LEPR: variants seen among roughly 807,000 people sequenced by gnomAD.
LEPR encodes the protein leptin receptor.
In LEPR, 56 loss-of-function variants were observed where a neutral mutation model predicts 114.7. The observed-to-expected ratio is 0.49, with a 90% CI of 0.39 to 0.61. The LOEUF is 0.61. LEPR is among the 20% of genes least tolerant of loss of function. The pLI is 0.00. For synonymous variants in LEPR, 443 were observed against 461.4 expected, an observed-to-expected ratio of 0.96 and a Z score of 0.51; for missense variants, 1,202 against 1,352.9, an observed-to-expected ratio of 0.89 and a Z score of 1.75.
At chr1:65,514,966 G>A (rs985306490) in intron 2 of LEPR, among the ~76,000 whole-genome samples, 1 of 152,206 alleles carries the variant, frequency 6.6e-6, no homozygotes, top group African/African-American at 2.4e-5. Flanking sequence ...ATCAGATAAT[G>A]TTTCATGATA....
chr1:65,537,097 C>G (rs1403607147), intron 2 of LEPR, among the ~76,000 whole-genome samples: 1 of 152,082 alleles, frequency 6.6e-6, no homozygotes, highest in Non-Finnish European at 1.5e-5. Context: ...ATGCTGATGC[C>G]AGAGGTGTTA....
chr1:65,525,139 T>A (rs1189787012), intron 2 of LEPR, among the ~76,000 whole-genome samples: 1 of 152,202 alleles, frequency 6.6e-6, no homozygotes, highest in Non-Finnish European at 1.5e-5. Context: ...GGCGGAAGCA[T>A]CCCTGGTATC....
At chr1:65,626,887 A>G (rs11208691) in intron 19 of LEPR, among the ~76,000 whole-genome samples, 66,263 of 151,788 alleles carry the variant, frequency 0.44, 15,176 homozygotes, top group East Asian at 0.87. Flanking sequence ...CACCCACCTC[A>G]GCCTCCCAAA....
chr1:65,459,893 G>A (rs927439403), intron 2 of LEPR, among the ~76,000 whole-genome samples: 2 of 152,044 alleles, frequency 1.3e-5, no homozygotes, highest in Non-Finnish European at 2.9e-5. Context: ...TCCATGCTTG[G>A]AACAAGTTTC....
intron 2 of LEPR, among the ~76,000 whole-genome samples, chr1:65,505,581 T>A (rs1648683106): frequency 6.6e-6 from 1 of 152,074 alleles, no homozygotes; most frequent in African/African-American, 2.4e-5. Context: ...TTAACCCAAG[T>A]CTTTCCCTTC....
chr1:65,565,843 TCTCA>T lies in LEPR; in HGVS notation c.40+240_40+243del, dbSNP rs1440292866. Among the ~76,000 whole-genome samples, 968 of 150,510 alleles carry T rather than the reference TCTCA, an allele frequency of 6.4e-3. 12 individuals carry two copies. Among genetic ancestry groups the T allele is most frequent in the Middle Eastern group, 0.028 (8 of 290 alleles). On this transcript the variant is annotated intron_variant, in intron 3 of 19. Transcript: ENST00000349533. ...GTATCCTTCCAGAATCCTCTCTCTC[TCTCA>T]CACACACACACACACAGACTCACAC...
intron 6 of LEPR, among the ~76,000 whole-genome samples, chr1:65,594,984 A>G (rs1277664124): frequency 6.6e-6 from 1 of 152,104 alleles, no homozygotes; most frequent in Non-Finnish European, 1.5e-5. Flanking sequence ...TGTATGACAG[A>G]TACCAACTCT....
intron 19 of LEPR, among the ~76,000 whole-genome samples, chr1:65,635,598 C>A (rs922624433): frequency 1.3e-5 from 2 of 152,090 alleles, no homozygotes; most frequent in African/African-American, 4.8e-5. Context: ...AGCAGATTCT[C>A]AGTATACAGC....
chr1:65,546,709 C>T (rs1252614123), intron 2 of LEPR, among the ~76,000 whole-genome samples: 11 of 152,146 alleles, frequency 7.2e-5, no homozygotes, highest in Non-Finnish European at 1.3e-4. Flanking sequence ...AGATTTTGGG[C>T]TGAGACAATG....
At chr1:65,523,470 C>A (rs901259554) in intron 2 of LEPR, among the ~76,000 whole-genome samples, 1 of 151,824 alleles carries the variant, frequency 6.6e-6, no homozygotes. Flanking sequence ...ACCACCACAC[C>A]CAGCTAATTT....
At chr1:65,615,242 C>T (rs1161744022) in intron 14 of LEPR, among the ~76,000 whole-genome samples, 1 of 152,104 alleles carries the variant, frequency 6.6e-6, no homozygotes, top group Non-Finnish European at 1.5e-5. Context: ...ACAGTCCAGC[C>T]TTCTCTGTCT....
intron 19 of LEPR, chr1:65,629,267 AC>A (rs1402248944): frequency 2.4e-5 from 9 of 376,796 alleles, no homozygotes; most frequent in Non-Finnish European, 4.6e-5. Context: ...TAGCACTCTT[AC>A]GCTTCCCTCC....
chr1:65,605,252 G>A lies in LEPR; in HGVS notation c.1603+15G>A, dbSNP rs769140019. Reference sequence around the variant, plus strand: ...TGATTCTGTGGGTATGTCAAGCTGCGTTGTGTCTTCATTTGTGTTAGCAGA... The same window carrying A: ...TGATTCTGTGGGTATGTCAAGCTGCATTGTGTCTTCATTTGTGTTAGCAGA... On this transcript the variant is annotated intron_variant, in intron 11 of 19. Coordinates refer to ENST00000349533, the MANE Select transcript of LEPR (RefSeq NM_002303.6). 17 of 1,613,502 alleles carry A rather than the reference G, an allele frequency of 1.1e-5. No individual in the cohort carries two copies. In the East Asian group the frequency reaches 1.3e-4, roughly 13 times the overall value.
intron 2 of LEPR, among the ~76,000 whole-genome samples, chr1:65,478,814 C>T (rs1647186094): frequency 1.3e-5 from 2 of 152,130 alleles, no homozygotes; most frequent in Non-Finnish European, 2.9e-5. Context: ...AACCACCATA[C>T]CAATGGGCAA....
intron 2 of LEPR, among the ~76,000 whole-genome samples, chr1:65,465,548 G>A (rs1204530270): frequency 6.6e-6 from 1 of 152,114 alleles, no homozygotes; most frequent in Non-Finnish European, 1.5e-5. Context: ...GGTCCACTTG[G>A]TCCAGAGCTG....
chr1:65,628,294 A>G lies in LEPR; in HGVS notation c.2673+5313A>G, dbSNP rs1658335786. Among the ~76,000 whole-genome samples, 4 of 152,290 alleles carry G rather than the reference A, an allele frequency of 2.6e-5. No homozygotes were observed. In the South Asian group the frequency reaches 8.3e-4, roughly 32 times the overall value. On this transcript the variant is annotated intron_variant, in intron 19 of 19. Coordinates refer to ENST00000349533, the MANE Select transcript of LEPR (RefSeq NM_002303.6). Reference sequence around the variant, plus strand: ...AAAGATGAAAATATAGGACAATATGAAAACAGCTCTATATTAACACAATAT... The same window carrying G: ...AAAGATGAAAATATAGGACAATATGGAAACAGCTCTATATTAACACAATAT...
chr1:65,587,050 A>G (rs992102630), intron 5 of LEPR, among the ~76,000 whole-genome samples: 1 of 152,080 alleles, frequency 6.6e-6, no homozygotes, highest in African/African-American at 2.4e-5. Context: ...TTAGAAAAGG[A>G]TGGCTTTGGC....
intron 2 of LEPR, chr1:65,431,920 C>A: frequency 1.2e-6 from 2 of 1,613,062 alleles, no homozygotes; most frequent in Non-Finnish European, 1.7e-6. Context: ...GCAGTGGTAG[C>A]ACTTTATTCT....
intron 2 of LEPR, among the ~76,000 whole-genome samples, chr1:65,454,110 C>G (rs547204938): frequency 1.1e-4 from 16 of 151,250 alleles, no homozygotes; most frequent in African/African-American, 3.6e-4. Context: ...GCAACCCCTG[C>G]CTTTTTTTGT....
Sources: gnomAD v4.1 joint callset for allele counts (sites outside exome capture counted in the v4.1 genomes callset) on GRCh38, gnomAD v4.1.1 for gene constraint, MANE v1.5 for transcripts, NCBI Gene and HGNC (gene_info 2026-07-23, HGNC 2026-07-21) for gene names.